SLC30A8: variants seen among roughly 807,000 people sequenced by gnomAD.
The protein encoded by SLC30A8 is solute carrier family 30 member 8.
SLC30A8 carries 27 observed loss-of-function variants against 36.9 expected under a neutral mutation model. That is an observed-to-expected ratio of 0.73 (90% CI 0.54 to 1.01). The LOEUF (loss-of-function observed/expected upper bound fraction) is 1.01. Among genes scored for constraint, SLC30A8 ranks in the 50% least tolerant of loss-of-function variants. The probability of loss-of-function intolerance (pLI) is 0.00; values close to 1 mark genes in which losing one functional copy is unlikely to be tolerated. For missense variants in SLC30A8, 439 were observed against 452.0 expected (o/e 0.97, Z 0.26); for synonymous variants, 164 against 172.4 (o/e 0.95, Z 0.38).
At chr8:117,113,251 G>A (rs1045172398) in intron 2 of SLC30A8, among the ~76,000 whole-genome samples, 1 of 152,164 alleles carries the variant, frequency 6.6e-6, no homozygotes, top group Non-Finnish European at 1.5e-5. Flanking sequence ...ATGTCATGGT[G>A]AGTTTAGTGG....
At chr8:117,130,951 G>T (rs571567691), upstream of SLC30A8, among the ~76,000 whole-genome samples, 7 of 151,956 alleles carry the variant, frequency 4.6e-5, no homozygotes, top group African/African-American at 1.7e-4. Context: ...TCATTTATTT[G>T]CATCTATGAG....
chr8:117,117,492 C>T (rs1250318724), intron 2 of SLC30A8, among the ~76,000 whole-genome samples: 1 of 151,958 alleles, frequency 6.6e-6, no homozygotes, highest in Admixed American at 6.6e-5. Flanking sequence ...AAGGAAGATG[C>T]TTTATGAAAA....
chr8:117,104,638 C>T (rs934165145), intron 2 of SLC30A8, among the ~76,000 whole-genome samples: 1 of 152,142 alleles, frequency 6.6e-6, no homozygotes, highest in Non-Finnish European at 1.5e-5. Context: ...CTGATCCAGA[C>T]CCCAAGAGAG....
At chr8:117,063,132 A>G (rs899240267) in intron 2 of SLC30A8, among the ~76,000 whole-genome samples, 5 of 152,218 alleles carry the variant, frequency 3.3e-5, no homozygotes, top group African/African-American at 7.2e-5. Context: ...AGACAAATCC[A>G]TAAATATTTA....
At position 117,167,886 on chromosome 8, in the gene SLC30A8, T is replaced by C. The variant is rs193119864; in HGVS notation, c.830-3148T>C. On this transcript the variant is annotated intron_variant, in intron 6 of 7. Coordinates refer to ENST00000456015, the MANE Select transcript of SLC30A8 (RefSeq NM_173851.3). Reference sequence around the variant, plus strand: ...AGACATACCTGAGACTGGGTAATTATAAAGAACAAGAGGTTTAATGGACTC... The same window carrying C: ...AGACATACCTGAGACTGGGTAATTACAAAGAACAAGAGGTTTAATGGACTC... Among the ~76,000 whole-genome samples, 164 of 152,204 alleles carry C rather than the reference T, an allele frequency of 1.1e-3. 2 individuals are homozygous for C. Among genetic ancestry groups the C allele is most frequent in the African/African-American group, 3.5e-3 (147 of 41,558 alleles).
chr8:117,170,009 C>G (rs1586620930), intron 6 of SLC30A8, among the ~76,000 whole-genome samples: 1 of 152,272 alleles, frequency 6.6e-6, no homozygotes, highest in East Asian at 1.9e-4. Flanking sequence ...AACATGTAGT[C>G]AGACTAGAGA....
intron 1 of SLC30A8, among the ~76,000 whole-genome samples, chr8:116,960,067 A>G (rs765459045): frequency 2.0e-5 from 3 of 152,168 alleles, no homozygotes; most frequent in Admixed American, 6.5e-5. Flanking sequence ...ACTTGTAGGG[A>G]TTCCCATGTT....
intron 2 of SLC30A8, among the ~76,000 whole-genome samples, chr8:117,065,542 A>G (rs1818143369): frequency 6.6e-6 from 1 of 151,992 alleles, no homozygotes. Flanking sequence ...AGTGCAGTCA[A>G]ATTGCTCTGG....
At chr8:116,985,253 T>C (rs1815401266) in intron 1 of SLC30A8, among the ~76,000 whole-genome samples, 1 of 151,160 alleles carries the variant, frequency 6.6e-6, no homozygotes, top group African/African-American at 2.4e-5. Flanking sequence ...CTTTCTAGAA[T>C]TTCTCTAAGT....
intron 2 of SLC30A8, among the ~76,000 whole-genome samples, chr8:117,106,243 C>T (rs1362301842): frequency 6.6e-6 from 1 of 152,114 alleles, no homozygotes; most frequent in Non-Finnish European, 1.5e-5. Flanking sequence ...CTTAGTATTA[C>T]TGTGGAAGTA....
chr8:117,146,748 T>A (rs1305593657), intron 1 of SLC30A8: 2 of 1,284,948 alleles, frequency 1.6e-6, no homozygotes, highest in East Asian at 5.4e-5. Context: ...TGAATAAAAG[T>A]AAAACTTTTA....
intron 4 of SLC30A8, among the ~76,000 whole-genome samples, 195 bp from the exon 5 acceptor site, chr8:117,161,539 GGTTT>G (rs1212951864): frequency 2.0e-5 from 3 of 152,038 alleles, no homozygotes; most frequent in African/African-American, 7.2e-5. Context: ...GGGTCTTTGT[GGTTT>G]GTTTTTGTAT....
intron 1 of SLC30A8, among the ~76,000 whole-genome samples, chr8:116,959,707 C>A (rs941897135): frequency 2.0e-5 from 3 of 152,134 alleles, no homozygotes; most frequent in Non-Finnish European, 2.9e-5. Context: ...GAGGCAAGAT[C>A]CTTCTGAGTA....
chr8:117,122,326 A>C (rs1820726030), intron 2 of SLC30A8, among the ~76,000 whole-genome samples: 1 of 151,988 alleles, frequency 6.6e-6, no homozygotes, highest in Non-Finnish European at 1.5e-5. Context: ...GCACTATTCT[A>C]AGCACCATTC....
At chr8:117,050,190 G>A (rs1817667177) in intron 2 of SLC30A8, among the ~76,000 whole-genome samples, 2 of 152,132 alleles carry the variant, frequency 1.3e-5, no homozygotes, top group South Asian at 2.1e-4. Context: ...TAACGAGTCT[G>A]TGGCCCGGCT....
At chr8:116,953,965 T>G (rs541195423) in intron 1 of SLC30A8, among the ~76,000 whole-genome samples, 1 of 151,628 alleles carries the variant, frequency 6.6e-6, no homozygotes, top group Admixed American at 6.6e-5. Context: ...CTGAGGGGAG[T>G]TGGATTAGGT....
chr8:117,101,664 C>T (rs1272793651), intron 2 of SLC30A8, among the ~76,000 whole-genome samples: 1 of 152,012 alleles, frequency 6.6e-6, no homozygotes, highest in Admixed American at 6.6e-5. Context: ...AAAGGCAGAC[C>T]CACCCTCAAT....
At chr8:117,008,214 G>A (rs1816241678) in intron 1 of SLC30A8, among the ~76,000 whole-genome samples, 1 of 152,176 alleles carries the variant, frequency 6.6e-6, no homozygotes, top group Non-Finnish European at 1.5e-5. Context: ...GAGCTTGGAT[G>A]AACTTTGCTC....
At chr8:117,080,476 T>C (rs559563419) in intron 2 of SLC30A8, among the ~76,000 whole-genome samples, 15 of 152,268 alleles carry the variant, frequency 9.9e-5, no homozygotes, top group Admixed American at 4.6e-4. Flanking sequence ...TGAGAAGCCC[T>C]TGCCCCTCCC....
Sources: allele counts gnomAD v4.1 joint callset (sites outside exome capture counted in the v4.1 genomes callset), GRCh38; gene constraint gnomAD v4.1.1; transcripts MANE v1.5; gene names NCBI Gene and HGNC (gene_info 2026-07-23, HGNC 2026-07-21).